The following ADAMTSL1 variants were observed in gnomAD, a reference collection of about 807,000 sequenced individuals.
ADAMTSL1 encodes ADAMTS like 1.
ADAMTSL1 carries 126 observed loss-of-function variants against 201.8 expected under a neutral mutation model. The observed-to-expected ratio is 0.62, with a 90% CI of 0.54 to 0.72. The LOEUF (loss-of-function observed/expected upper bound fraction) is 0.72, where lower values mean the gene tolerates loss of function less well. ADAMTSL1 is among the 30% of genes least tolerant of loss of function. The probability of loss-of-function intolerance (pLI) is 0.00; values close to 1 mark genes in which losing one functional copy is unlikely to be tolerated. For missense variants in ADAMTSL1, 2,679 were observed against 2,277.8 expected (o/e 1.18, Z -3.59); for synonymous variants, 1,121 against 903.4 (o/e 1.24, Z -4.32).
intron 1 of ADAMTSL1, among the ~76,000 whole-genome samples, chr9:18,051,462 G>C (rs962938623): frequency 6.6e-6 from 1 of 152,034 alleles, no homozygotes; most frequent in Non-Finnish European, 1.5e-5. Context: ...CATGTGTCCT[G>C]TTGGGCTATA....
At chr9:18,351,376 A>G (rs573964439) in intron 2 of ADAMTSL1, among the ~76,000 whole-genome samples, 3 of 152,138 alleles carry the variant, frequency 2.0e-5, no homozygotes, top group African/African-American at 4.8e-5. Context: ...AGTTTTAATG[A>G]TTTACTTGCA....
At chr9:18,202,943 A>G (rs1829508604) in intron 2 of ADAMTSL1, among the ~76,000 whole-genome samples, 1 of 152,100 alleles carries the variant, frequency 6.6e-6, no homozygotes, top group South Asian at 2.1e-4. Flanking sequence ...AGCTGTAACC[A>G]GGGATGCTAC....
chr9:18,530,443 G>T (rs867339821), intron 2 of ADAMTSL1, among the ~76,000 whole-genome samples: 2 of 151,964 alleles, frequency 1.3e-5, no homozygotes, highest in East Asian at 3.9e-4. Flanking sequence ...AATCTCCTCC[G>T]TTTTAATACC....
At chr9:18,381,853 T>C (rs1392326094) in intron 2 of ADAMTSL1, among the ~76,000 whole-genome samples, 1 of 152,048 alleles carries the variant, frequency 6.6e-6, no homozygotes, top group Non-Finnish European at 1.5e-5. Context: ...GTAAGGATGA[T>C]TTTAAAGACA....
rs979751691 is a variant in ADAMTSL1 at position 18,618,280 on chromosome 9, C to T, written c.475-3963C>T. ...ATGCATGCACACATTTTTGCAGACT[C>T]GTATGTCAATGGCTGCAGTCTAAGG... On this transcript the variant is annotated intron_variant, in intron 4 of 28. Transcript: ENST00000380548. 3.9e-5 allele frequency among the ~76,000 whole-genome samples: 6 copies of T among 152,208 alleles called. No homozygotes were observed. The South Asian group carries it at 1.0e-3, about 26-fold the overall frequency.
intron 1 of ADAMTSL1, among the ~76,000 whole-genome samples, chr9:18,491,950 A>G (rs1223937320): frequency 2.0e-5 from 3 of 152,194 alleles, no homozygotes; most frequent in South Asian, 2.1e-4. Flanking sequence ...ACAAGATTTT[A>G]AAGAAAAAAT....
chr9:18,148,361 A>T (rs1450709695), intron 1 of ADAMTSL1, among the ~76,000 whole-genome samples: 1 of 151,254 alleles, frequency 6.6e-6, no homozygotes, highest in African/African-American at 2.4e-5. Context: ...AACATGGATG[A>T]TTAACAGGGT....
intron 2 of ADAMTSL1, among the ~76,000 whole-genome samples, chr9:18,280,040 C>T (rs1832725363): frequency 6.6e-6 from 1 of 152,266 alleles, no homozygotes; most frequent in African/African-American, 2.4e-5. Context: ...TAGGCCTGGA[C>T]TCAAGGTCTG....
chr9:18,899,631 G>C (rs1829882562), intron 26 of ADAMTSL1, among the ~76,000 whole-genome samples: 1 of 151,998 alleles, frequency 6.6e-6, no homozygotes, highest in African/African-American at 2.4e-5. Context: ...TCAGAAATAA[G>C]ATCACATACC....
chr9:18,091,656 A>G (rs1824022867), intron 1 of ADAMTSL1, among the ~76,000 whole-genome samples: 2 of 152,152 alleles, frequency 1.3e-5, no homozygotes, highest in East Asian at 3.9e-4. Context: ...ATTTTTTTGG[A>G]TTATTAGTTT....
intron 2 of ADAMTSL1, among the ~76,000 whole-genome samples, chr9:18,322,131 C>A: frequency 6.6e-6 from 1 of 151,890 alleles, no homozygotes; most frequent in African/African-American, 2.4e-5. Context: ...CAAAGTATTG[C>A]TTAGAGATTT....
At chr9:18,505,938 C>G (rs1823100446) in intron 2 of ADAMTSL1, among the ~76,000 whole-genome samples, 1 of 152,186 alleles carries the variant, frequency 6.6e-6, no homozygotes, top group Non-Finnish European at 1.5e-5. Flanking sequence ...AAGGCCTGCA[C>G]AGGGTCTAAC....
intron 7 of ADAMTSL1, among the ~76,000 whole-genome samples, chr9:18,649,115 T>C (rs369167353): frequency 6.6e-5 from 10 of 152,006 alleles, no homozygotes; most frequent in African/African-American, 1.7e-4. Context: ...CTAAACTTCC[T>C]TTCTCGCTTC....
chr9:18,302,131 G>A (rs1833730742), intron 2 of ADAMTSL1, among the ~76,000 whole-genome samples: 1 of 152,078 alleles, frequency 6.6e-6, no homozygotes, highest in South Asian at 2.1e-4. Context: ...TCTCTTTTTT[G>A]GGTTGCTGTT....
At chr9:18,858,947 C>T (rs12346025) in intron 23 of ADAMTSL1, among the ~76,000 whole-genome samples, 52,327 of 152,088 alleles carry the variant, frequency 0.34, 10,135 homozygotes, top group Non-Finnish European at 0.43. Flanking sequence ...CATTACCCAG[C>T]AACATTAACT....
upstream of ADAMTSL1, among the ~76,000 whole-genome samples, chr9:18,470,966 A>G (rs1821186176): frequency 6.6e-6 from 1 of 152,176 alleles, no homozygotes; most frequent in Non-Finnish European, 1.5e-5. Flanking sequence ...TTTAATTTAG[A>G]TACCTGAAGA....
chr9:18,018,474 T>C (rs1820349144), intron 1 of ADAMTSL1, among the ~76,000 whole-genome samples: 1 of 152,096 alleles, frequency 6.6e-6, no homozygotes, highest in Admixed American at 6.6e-5. Flanking sequence ...GAATGTAGAA[T>C]ATGGCTATGG....
intron 1 of ADAMTSL1, among the ~76,000 whole-genome samples, chr9:17,943,292 T>C (rs934495825): frequency 6.6e-6 from 1 of 152,142 alleles, no homozygotes; most frequent in Non-Finnish European, 1.5e-5. Context: ...GAGTAGCTTA[T>C]AAGGGCTTAT....
chr9:18,437,948 G>A (rs866245459), intron 2 of ADAMTSL1, among the ~76,000 whole-genome samples: 2 of 152,182 alleles, frequency 1.3e-5, no homozygotes, highest in South Asian at 4.2e-4. Context: ...GCCATTCCCC[G>A]GGCACTTATA....
Sources: allele counts gnomAD v4.1 joint callset (sites outside exome capture counted in the v4.1 genomes callset), GRCh38; gene constraint gnomAD v4.1.1; transcripts MANE v1.5; gene names NCBI Gene and HGNC (gene_info 2026-07-23, HGNC 2026-07-21).